The following SH3GL3 variants were observed in gnomAD, a reference collection of about 807,000 sequenced individuals.
The protein encoded by SH3GL3 is SH3 domain containing GRB2 like 3, endophilin A3.
In SH3GL3, 33 loss-of-function variants were observed where a neutral mutation model predicts 47.7. The observed-to-expected ratio is 0.69, with a 90% CI of 0.52 to 0.92. The LOEUF (loss-of-function observed/expected upper bound fraction) is 0.92. Ranked by LOEUF, SH3GL3 falls within the 40% of genes least tolerant of loss-of-function variation. The probability of loss-of-function intolerance (pLI) is 0.00; values close to 1 mark genes in which losing one functional copy is unlikely to be tolerated. For missense variants in SH3GL3, 363 were observed against 417.8 expected, an observed-to-expected ratio of 0.87 and a Z score of 1.14; for synonymous variants, 155 against 148.8, an observed-to-expected ratio of 1.04 and a Z score of -0.30.
At chr15:83,629,971 T>C in the SH3GL3 span, among the ~76,000 whole-genome samples, 2 of 152,220 alleles carry the variant, frequency 1.3e-5, no homozygotes, top group African/African-American at 4.8e-5. Flanking sequence ...CCATATGTCA[T>C]GGGAGGGACC....
At chr15:83,510,480 A>C (rs1438694484) in intron 1 of SH3GL3, among the ~76,000 whole-genome samples, 1 of 152,216 alleles carries the variant, frequency 6.6e-6, no homozygotes, top group Non-Finnish European at 1.5e-5. Flanking sequence ...TTATGTAAAG[A>C]CATTGTGTTT....
intron 8 of SH3GL3, among the ~76,000 whole-genome samples, chr15:83,610,512 A>G (rs1243622428): frequency 1.3e-5 from 2 of 152,212 alleles, no homozygotes; most frequent in Non-Finnish European, 2.9e-5. Flanking sequence ...CTCGAGGAAC[A>G]GAGCAAGACA....
Position 83,565,116 on chromosome 15 carries a change from T to A in SH3GL3, c.115-18T>A. On this transcript the variant is annotated intron_variant, in intron 2 of 8. Transcript: ENST00000427482. Reference sequence around the variant, plus strand: ...TGAGTTTGTCATTTACTAACTTTTTTTAAATTTTGCTTTTAAGAAAATAGA... The same window carrying A: ...TGAGTTTGTCATTTACTAACTTTTTATAAATTTTGCTTTTAAGAAAATAGA... 1.6e-6 allele frequency: 2 copies of A among 1,234,406 alleles called. No individual in the cohort carries two copies. Among genetic ancestry groups the A allele is most frequent in the Non-Finnish European group, 2.3e-6 (2 of 857,538 alleles). The allele number at this position is 1,234,406 out of a possible 1,614,324, so 76.5% of individuals were successfully genotyped here.
chr15:83,474,993 T>A (rs890966930), intron 1 of SH3GL3, among the ~76,000 whole-genome samples: 9 of 151,658 alleles, frequency 5.9e-5, no homozygotes, highest in Non-Finnish European at 1.3e-4. Flanking sequence ...TATTTAGGAA[T>A]CTTTTGAGAA....
At chr15:83,517,091 C>G (rs1325487708) in intron 1 of SH3GL3, among the ~76,000 whole-genome samples, 1 of 151,952 alleles carries the variant, frequency 6.6e-6, no homozygotes, top group African/African-American at 2.4e-5. Flanking sequence ...TTATACATGT[C>G]TCCTAGAAGA....
At chr15:83,511,342 G>C (rs2042739055) in intron 1 of SH3GL3, among the ~76,000 whole-genome samples, 1 of 152,132 alleles carries the variant, frequency 6.6e-6, no homozygotes. Context: ...TCCAGCTCCA[G>C]ATGTAAACTT....
intron 1 of SH3GL3, among the ~76,000 whole-genome samples, chr15:83,515,528 G>C (rs114815443): frequency 0.014 from 2,078 of 152,172 alleles, 49 homozygotes; most frequent in African/African-American, 0.047. Context: ...ATGCAGGTGG[G>C]GGGGGAGGGG....
chr15:83,505,006 T>C (rs189344309), intron 1 of SH3GL3, among the ~76,000 whole-genome samples: 106 of 152,326 alleles, frequency 7.0e-4, no homozygotes, highest in African/African-American at 2.3e-3. Context: ...TATTTTAAAA[T>C]TGGGTCTTAT....
chr15:83,557,584 G>A (rs533653529), intron 1 of SH3GL3, among the ~76,000 whole-genome samples: 13 of 152,322 alleles, frequency 8.5e-5, no homozygotes, highest in Admixed American at 3.9e-4. Flanking sequence ...GGTCTCTCAC[G>A]TTACTGCAGT....
the SH3GL3 span, among the ~76,000 whole-genome samples, chr15:83,628,042 G>C: frequency 6.6e-6 from 1 of 152,174 alleles, no homozygotes; most frequent in East Asian, 1.9e-4. Flanking sequence ...TACAGGGACA[G>C]AGCCTATAAC....
intron 5 of SH3GL3, 35 bp downstream of exon 5, chr15:83,572,733 A>G (rs1374831797): frequency 2.0e-6 from 3 of 1,475,086 alleles, no homozygotes; most frequent in African/African-American, 1.4e-5. Context: ...ACCTGTTGCT[A>G]CATAAGATGA....
chr15:83,579,790 A>C (rs2059785667), intron 6 of SH3GL3, among the ~76,000 whole-genome samples: 1 of 151,928 alleles, frequency 6.6e-6, no homozygotes, highest in East Asian at 1.9e-4. Context: ...AGCCCATCTT[A>C]CTCTCTTCTT....
intron 1 of SH3GL3, among the ~76,000 whole-genome samples, chr15:83,483,268 G>A (rs893757430): frequency 6.6e-6 from 1 of 152,158 alleles, no homozygotes; most frequent in African/African-American, 2.4e-5. Flanking sequence ...CAAATGGAGG[G>A]CCTTGCTCTA....
chr15:83,501,363 T>C (rs780449082), intron 1 of SH3GL3, among the ~76,000 whole-genome samples: 1 of 152,236 alleles, frequency 6.6e-6, no homozygotes, highest in Non-Finnish European at 1.5e-5. Context: ...ATCATAAAAG[T>C]ACTTTCTGTG....
In SH3GL3 at chr15:83,618,441, A is replaced by G. The variant is rs181390970; in HGVS notation, c.*154A>G. 289 of 589,690 alleles carry G rather than the reference A, an allele frequency of 4.9e-4. 2 individuals are homozygous for G. The highest frequency in any genetic ancestry group is 4.5e-3 in the African/African-American group (240 of 53,372). The allele number at this position is 589,690 out of a possible 1,614,324, so 36.5% of individuals were successfully genotyped here. ...TTTATAATGTATTTTATATCACTTT[A>G]ATTTGTATAAATGATTTTCTTGTCC... On this transcript the variant is annotated 3_prime_UTR_variant, in exon 9 of 9. Transcript: ENST00000427482.
chr15:83,537,267 G>C (rs749993421), intron 1 of SH3GL3, among the ~76,000 whole-genome samples: 3 of 152,140 alleles, frequency 2.0e-5, no homozygotes, highest in Non-Finnish European at 4.4e-5. Context: ...ATCCACTTTG[G>C]GGCCATCAGC....
At chr15:83,473,603 A>C (rs1371903720) in intron 1 of SH3GL3, among the ~76,000 whole-genome samples, 1 of 150,430 alleles carries the variant, frequency 6.6e-6, no homozygotes, top group African/African-American at 2.4e-5. Flanking sequence ...GTTGGAGTGC[A>C]GTGGCACGAT....
At chr15:83,507,069 G>C (rs1294007220) in intron 1 of SH3GL3, among the ~76,000 whole-genome samples, 1 of 151,556 alleles carries the variant, frequency 6.6e-6, no homozygotes, top group African/African-American at 2.4e-5. Context: ...GCAGTGGCAC[G>C]ATCTCCGCTC....
At chr15:83,551,989 G>A (rs2044692058) in intron 1 of SH3GL3, among the ~76,000 whole-genome samples, 1 of 152,034 alleles carries the variant, frequency 6.6e-6, no homozygotes, top group African/African-American at 2.4e-5. Flanking sequence ...TATCCTACTA[G>A]GCTTTGTTCT....
Sources: gnomAD v4.1 joint callset for allele counts (sites outside exome capture counted in the v4.1 genomes callset) on GRCh38, gnomAD v4.1.1 for gene constraint, MANE v1.5 for transcripts, NCBI Gene and HGNC (gene_info 2026-07-23, HGNC 2026-07-21) for gene names.